SYTL2: variants seen among roughly 807,000 people sequenced by gnomAD.
SYTL2 encodes synaptotagmin like 2.
A neutral mutation model predicts 198.7 loss-of-function variants in SYTL2; 165 were observed. That is an observed-to-expected ratio of 0.83 (90% CI 0.73 to 0.94). SYTL2 has a LOEUF of 0.94. Ranked by LOEUF, SYTL2 falls within the 40% of genes least tolerant of loss-of-function variation. The pLI is 0.00. For missense variants in SYTL2, 2,835 were observed against 2,582.8 expected (o/e 1.10, Z -2.12); for synonymous variants, 966 against 917.7 (o/e 1.05, Z -0.95).
In SYTL2 at chr11:85,727,927, CA is replaced by C. The variant is rs1300492448; in HGVS notation, c.1430del (p.Val477GlyfsTer20). 2.5e-6 allele frequency: 4 copies of C among 1,612,998 alleles called. No individual in the cohort carries two copies. In the African/African-American group the frequency reaches 5.3e-5, roughly 22 times the overall value. On this transcript the variant is annotated frameshift_variant, in exon 8 of 20. Transcript: ENST00000359152. LOFTEE classifies it high-confidence loss of function. ...GACGGTCTCTAGAACTGCCACCTGG[CA>C]CCTGAGATGGCTCAGGCTCAACACA... ...SHCVEPEPSQ[V>X]PGGSSRDRQQ...
upstream of SYTL2, among the ~76,000 whole-genome samples, chr11:85,813,137 G>A (rs1566053010): frequency 6.6e-6 from 1 of 152,190 alleles, no homozygotes; most frequent in Admixed American, 6.5e-5. Flanking sequence ...GGGCAGGCAA[G>A]TGGGGGAGAA....
chr11:85,727,833 T>C lies in SYTL2; in HGVS notation c.1525A>G (p.Thr509Ala). The C allele has an allele frequency of 6.2e-7, 1 of 1,611,114 alleles. No homozygotes were observed. Among genetic ancestry groups the C allele is most frequent in the Non-Finnish European group, 8.5e-7 (1 of 1,178,856 alleles). The change falls in exon 8 of 20, where the codon ACT becomes GCT. Residue 509 changes from threonine (T) to alanine (A), a missense_variant. Around this residue, in one of 3 missense-constraint regions of SYTL2, gnomAD observed 2,645 missense variants for 2,381.7 expected, o/e 1.11. Transcript: ENST00000359152. ...TCATCAGTTGACTTCTTTATCTCAG[T>C]GGCATATGGACCAGAACGTGAAGAT... Reference protein sequence around the residue: ...KTSSRSGPYATEIKKSTDDSI... With the variant: ...KTSSRSGPYAAEIKKSTDDSI...
chr11:85,778,751 C>T (rs536915704), intron 1 of SYTL2, among the ~76,000 whole-genome samples: 1 of 152,242 alleles, frequency 6.6e-6, no homozygotes, highest in Non-Finnish European at 1.5e-5. Flanking sequence ...CTGAGTCAGG[C>T]GGATCACTTA....
intron 1 of SYTL2, among the ~76,000 whole-genome samples, chr11:85,759,381 C>G (rs1026859994): frequency 6.6e-6 from 1 of 152,212 alleles, no homozygotes; most frequent in South Asian, 2.1e-4. Flanking sequence ...TATCCTTCTA[C>G]CACTTACTAG....
At chr11:85,829,832 C>T in the SYTL2 span, among the ~76,000 whole-genome samples, 22 of 151,940 alleles carry the variant, frequency 1.4e-4, no homozygotes, top group African/African-American at 4.4e-4. Context: ...TCTTGTATAC[C>T]GACATTTTAG....
rs1419259600 is a variant in SYTL2 at position 85,734,190 on chromosome 11, C to T, written c.1139G>A (p.Ser380Asn). 2 of 1,614,188 alleles carry T rather than the reference C, an allele frequency of 1.2e-6. No homozygotes were observed. Among genetic ancestry groups the T allele is most frequent in the East Asian group, 2.2e-5 (1 of 44,870 alleles). ...EDAGDTEEFQ[S>N]DPKPSQYRKP... is the part of the protein sequence containing the mutation. ...TCTGTATTGAGAAGGCTTAGGGTCA[C>T]TCTGAAACTCTTCTGTGTCCCCTGC... Residue 380 changes from serine to asparagine, a missense_variant, in exon 7 of 20, where the codon AGT becomes AAT. Ser to Asn is a conservative substitution (Grantham distance 46, BLOSUM62 1). Transcript: ENST00000359152.
rs748426504 is a variant in SYTL2, at chr11:85,736,502, C to G, written c.585G>C (p.Glu195Asp). Residue 195 changes from glutamate to aspartate, a missense_variant and splice_region_variant, in exon 6 of 20, where the codon GAG becomes GAC. Transcript: ENST00000359152. ...CAAGTTCATAAAAATAATATTTACC[C>G]TCTTTTGAAGTCTGAAATAAACCAG... ...GRTGLFQTSK[E>D]DELSESKEKS... is the part of the protein sequence containing the mutation. 6.7e-7 allele frequency: 1 copy of G among 1,490,562 alleles called. No homozygotes were observed. Among genetic ancestry groups the G allele is most frequent in the Non-Finnish European group, 9.3e-7 (1 of 1,078,706 alleles). The allele number at this position is 1,490,562 out of a possible 1,614,324, so 92.3% of individuals were successfully genotyped here.
the SYTL2 span, among the ~76,000 whole-genome samples, chr11:85,835,944 T>A: frequency 1.3e-5 from 2 of 152,162 alleles, no homozygotes; most frequent in Non-Finnish European, 2.9e-5. Flanking sequence ...TGTTTCAGCC[T>A]CTTGCTATAA....
intron 5 of SYTL2, 28 bp from the exon 6 acceptor site, chr11:85,736,643 T>G (rs761643190): frequency 1.6e-6 from 2 of 1,252,298 alleles, no homozygotes; most frequent in South Asian, 1.2e-5. Context: ...TTATTAAACT[T>G]ATTTTAAATG....
chr11:85,745,223 G>T (rs1310413849), intron 4 of SYTL2, among the ~76,000 whole-genome samples: 1 of 152,108 alleles, frequency 6.6e-6, no homozygotes, highest in Non-Finnish European at 1.5e-5. Context: ...ACATCTATCT[G>T]GTTCTTGTGC....
chr11:85,720,850 A>G lies in SYTL2; in HGVS notation c.5428+8T>C, dbSNP rs979117080. On this transcript the variant is annotated splice_region_variant and intron_variant, in intron 9 of 19. Transcript: ENST00000359152. ...GGGCATGAACAGTGAGGCGAACTTT[A>G]TTCTCACTTGATGAATCTGATGAAA... is the stretch of plus-strand genomic sequence containing the variant. 3 of 1,599,056 alleles carry G rather than the reference A, an allele frequency of 1.9e-6. No homozygotes were observed. The highest frequency in any genetic ancestry group is 2.7e-5 in the African/African-American group (2 of 74,626).
the SYTL2 span, among the ~76,000 whole-genome samples, chr11:85,837,494 T>C: frequency 7.8e-4 from 119 of 152,308 alleles, no homozygotes; most frequent in Middle Eastern, 3.4e-3. Context: ...ACTGTTTATA[T>C]CCAGTCTGTG....
rs989501121 is a variant in SYTL2, at chr11:85,705,145, C to G, written c.6019-117G>C. Reference sequence around the variant, plus strand: ...GCAAATTTTCTTATCTGTTAGGTTTCGAGTCCCAAAAATATTGCAAAGTCA... The same window carrying G: ...GCAAATTTTCTTATCTGTTAGGTTTGGAGTCCCAAAAATATTGCAAAGTCA... On this transcript the variant is annotated intron_variant, in intron 15 of 19. Coordinates refer to ENST00000359152, the MANE Select transcript of SYTL2 (RefSeq NM_206927.4). The G allele has an allele frequency of 5.9e-6, 4 of 673,840 alleles. No individual in the cohort carries two copies. In the East Asian group the frequency reaches 1.1e-4, roughly 19 times the overall value. 41.7% of individuals were successfully genotyped at this position (673,840 alleles called of 1,614,324 possible). A position where few individuals can be genotyped will look rare whatever the true frequency, so the allele number is the denominator to read the frequency against.
chr11:85,816,781 G>A, the SYTL2 span, among the ~76,000 whole-genome samples: 4 of 152,084 alleles, frequency 2.6e-5, no homozygotes, highest in Admixed American at 6.5e-5. Flanking sequence ...GGACGTGGTG[G>A]CACATGCCTG....
chr11:85,720,942 TG>T lies in SYTL2; in HGVS notation c.5343del (p.Ser1782ValfsTer4). 6.2e-7 allele frequency: 1 copy of T among 1,612,486 alleles called. No homozygotes were observed. The highest frequency in any genetic ancestry group is 1.3e-5 in the African/African-American group (1 of 74,828). On this transcript the variant is annotated frameshift_variant, in exon 9 of 20. Coordinates refer to ENST00000359152, the MANE Select transcript of SYTL2 (RefSeq NM_206927.4). LOFTEE classifies it high-confidence loss of function. ...WRNPSSSEEEPSPVLKTLERS... is the reference protein window; with the variant it reads ...WRNPSSSEEEXSPVLKTLERS... ...CTTTCCAAAGTTTTCAAAACAGGAC[TG>T]GGTTCTTCTTCTGAACCTGTTATAA... is the stretch of plus-strand genomic sequence containing the variant.
At chr11:85,829,099 T>C in the SYTL2 span, among the ~76,000 whole-genome samples, 3 of 152,032 alleles carry the variant, frequency 2.0e-5, no homozygotes, top group African/African-American at 4.8e-5. Flanking sequence ...ACTTTTATTA[T>C]AGATTAAGGG....
chr11:85,818,450 T>C, the SYTL2 span, among the ~76,000 whole-genome samples: 2 of 151,910 alleles, frequency 1.3e-5, no homozygotes, highest in East Asian at 3.9e-4. Context: ...TTGCTTTTTA[T>C]ATTGAATATC....
chr11:85,778,043 G>A (rs1196195005), intron 1 of SYTL2, among the ~76,000 whole-genome samples: 4 of 151,778 alleles, frequency 2.6e-5, no homozygotes, highest in Admixed American at 6.6e-5. Flanking sequence ...GGTCTCCAAC[G>A]CCTGACCTCA....
In SYTL2 at chr11:85,737,589, C is replaced by A. The variant is rs1165704500; in HGVS notation, c.457G>T (p.Val153Leu). ...MSQENTRKPN[V>L]SPEKQRKNPF... ...GCTCAGTCTACCTTCTCTGGAGACA[C>A]ATTTGGTTTCCTTGTGTTTTCCTGG... The change falls in exon 5 of 20, where the codon GTG becomes TTG. Residue 153 changes from valine to leucine, a missense_variant. By Grantham distance (32) the Val-to-Leu change is conservative. This residue lies in a region of SYTL2 where 2,645 missense variants were observed against 2,381.7 expected (regional missense o/e 1.11). Coordinates refer to ENST00000359152, the MANE Select transcript of SYTL2 (RefSeq NM_206927.4). 23 of 1,613,608 alleles carry A rather than the reference C, an allele frequency of 1.4e-5. No individual in the cohort carries two copies. Among genetic ancestry groups the A allele is most frequent in the Non-Finnish European group, 1.5e-5 (18 of 1,179,648 alleles).
Sources: gnomAD v4.1 joint callset for allele counts (sites outside exome capture counted in the v4.1 genomes callset) on GRCh38, gnomAD v4.1.1 for gene constraint, gnomAD v4.1.1 regional missense constraint, MANE v1.5 for transcripts, NCBI Gene and HGNC (gene_info 2026-07-23, HGNC 2026-07-21) for gene names.